The following MYH15 variants were observed in gnomAD, a reference collection of about 807,000 sequenced individuals.
MYH15 encodes myosin heavy chain 15.
In MYH15, 227 loss-of-function variants were observed where a neutral mutation model predicts 240.5. The observed-to-expected ratio is 0.94, with a 90% CI of 0.85 to 1.05. The LOEUF (loss-of-function observed/expected upper bound fraction) is 1.05, where lower values mean the gene tolerates loss of function less well. MYH15 is among the 50% of genes least tolerant of loss of function. The probability of loss-of-function intolerance (pLI) is 0.00; values close to 1 mark genes in which losing one functional copy is unlikely to be tolerated. For missense variants in MYH15, 2,217 were observed against 2,247.5 expected (o/e 0.99, Z 0.27); for synonymous variants, 785 against 796.7 (o/e 0.99, Z 0.25).
chr3:108,532,386 C>A (rs2083717552), upstream of MYH15, among the ~76,000 whole-genome samples: 1 of 152,076 alleles, frequency 6.6e-6, no homozygotes, highest in South Asian at 2.1e-4. Context: ...CTGTTTGACT[C>A]CTTAGAGCTG....
upstream of MYH15, chr3:108,510,654 A>T: frequency 2.0e-6 from 3 of 1,474,124 alleles, no homozygotes; most frequent in South Asian, 3.7e-5. Context: ...TAAATGAGCA[A>T]CCATTCACAT....
chr3:108,510,505 G>A lies in MYH15; in HGVS notation c.26C>T (p.Ala9Val). Residue 9 changes from alanine to valine, a missense_variant, in exon 1 of 41, where the codon GCC becomes GTC. Ala to Val is a moderately conservative substitution (Grantham distance 64, BLOSUM62 0). Transcript: ENST00000693548. ...TTCACTTCTTCTGAGGAAGGCTGCG[G>A]CTTCTCCAAGGTCTGACAGATCCAT... Reference protein sequence around the residue: MDLSDLGEAAAFLRRSEAE... With the variant: MDLSDLGEVAAFLRRSEAE... 6.2e-7 allele frequency: 1 copy of A among 1,613,400 alleles called. No individual in the cohort carries two copies. The highest frequency in any genetic ancestry group is 8.5e-7 in the Non-Finnish European group (1 of 1,179,656).
At chr3:108,447,095 T>G (rs75786810) in intron 21 of MYH15, among the ~76,000 whole-genome samples, 2,576 of 152,064 alleles carry the variant, frequency 0.017, 39 homozygotes, top group Non-Finnish European at 0.026. Context: ...CTGAAAAAAT[T>G]CCATGGAAAG....
chr3:108,438,522 C>T (rs1039947634), intron 24 of MYH15, among the ~76,000 whole-genome samples: 10 of 152,134 alleles, frequency 6.6e-5, no homozygotes, highest in African/African-American at 1.2e-4. Context: ...CAAATTCATA[C>T]GCTGAAATCC....
chr3:108,410,781 T>C lies in MYH15; in HGVS notation c.4297A>G (p.Arg1433Gly). ...GACTGCAGCTGCTTCTGGTCCAGCC[T>C]GGCTGCTGCAGAGCGGACCTTCCCG... Reference protein sequence around the residue: ...DLGKVRSAAARLDQKQLQSGK... With the variant: ...DLGKVRSAAAGLDQKQLQSGK... The change falls in exon 31 of 41, where the codon AGG becomes GGG. Residue 1433 changes from arginine (R) to glycine (G), a missense_variant. Arg to Gly is a moderately radical substitution (Grantham distance 125). Coordinates refer to ENST00000693548, the MANE Select transcript of MYH15 (RefSeq NM_014981.3). 1 of 1,614,152 alleles carries C rather than the reference T, an allele frequency of 6.2e-7. No individual in the cohort carries two copies. The highest frequency in any genetic ancestry group is 8.5e-7 in the Non-Finnish European group (1 of 1,179,990).
chr3:108,520,594 G>A (rs962178388), intron 1 of MYH15, among the ~76,000 whole-genome samples: 14 of 152,226 alleles, frequency 9.2e-5, no homozygotes, highest in East Asian at 1.9e-4. Context: ...GTCAGAAAAC[G>A]ATCCCATTTC....
rs377115294 is a variant in MYH15 at position 108,398,705 on chromosome 3, G to A, written c.5065C>T (p.Arg1689Cys). ...DLRSLQEQTE[R>C]GRRLSEEELL... ...TCTTCTTCTGACAGCCTGCGGCCAC[G>A]CTCTGTCTGCTCTTGCAGGGACCTT... Residue 1689 changes from arginine to cysteine, a missense_variant, in exon 35 of 41, where the codon CGT (arginine) becomes TGT (cysteine). Coordinates refer to ENST00000693548, the MANE Select transcript of MYH15 (RefSeq NM_014981.3). 48 of 1,613,988 alleles carry A rather than the reference G, an allele frequency of 3.0e-5. No individual in the cohort carries two copies. The highest frequency in any genetic ancestry group is 1.5e-4 in the African/African-American group (11 of 74,918).
At chr3:108,413,108 A>G (rs1225760372) in intron 30 of MYH15, among the ~76,000 whole-genome samples, 1 of 152,218 alleles carries the variant, frequency 6.6e-6, no homozygotes, top group Non-Finnish European at 1.5e-5. Flanking sequence ...CATCAAACAG[A>G]ATGATAGATA....
At chr3:108,537,799 A>T in the MYH15 span, among the ~76,000 whole-genome samples, 1 of 152,200 alleles carries the variant, frequency 6.6e-6, no homozygotes, top group Non-Finnish European at 1.5e-5. Context: ...GATAAATGGG[A>T]GACGGGGAAA....
chr3:108,430,651 A>T (rs2082771168), intron 26 of MYH15, among the ~76,000 whole-genome samples, 181 bp downstream of exon 26: 1 of 152,188 alleles, frequency 6.6e-6, no homozygotes, highest in African/African-American at 2.4e-5. Flanking sequence ...TCATAAGGAA[A>T]TTTAAGCTTA....
intron 27 of MYH15, among the ~76,000 whole-genome samples, chr3:108,424,404 G>A (rs2082710251): frequency 6.6e-6 from 1 of 152,218 alleles, no homozygotes; most frequent in African/African-American, 2.4e-5. Context: ...TGGCCTATAT[G>A]GGGATATAGC....
At chr3:108,518,773 A>C (rs2083594119) in intron 1 of MYH15, among the ~76,000 whole-genome samples, 1 of 152,212 alleles carries the variant, frequency 6.6e-6, no homozygotes, top group African/African-American at 2.4e-5. Flanking sequence ...GGTCTTCAGT[A>C]AGCAACATTT....
At chr3:108,548,284 T>C in the MYH15 span, among the ~76,000 whole-genome samples, 26 of 152,230 alleles carry the variant, frequency 1.7e-4, no homozygotes, top group South Asian at 1.7e-3. Flanking sequence ...AGTAAACTGA[T>C]AGAAAAAGAT....
At chr3:108,401,825 A>C (rs1004767995) in intron 33 of MYH15, among the ~76,000 whole-genome samples, 1 of 152,262 alleles carries the variant, frequency 6.6e-6, no homozygotes, top group Admixed American at 6.5e-5. Context: ...ATGGCTGCTG[A>C]ACAATCAACA....
At chr3:108,501,661 A>G (rs1483010512) in intron 3 of MYH15, 51 bp downstream of exon 3, 3 of 1,609,186 alleles carry the variant, frequency 1.9e-6, no homozygotes, top group Middle Eastern at 1.7e-4. Context: ...AGATTGGGAC[A>G]TGCAATGTGA....
At chr3:108,506,811 T>A (rs940376838) in intron 1 of MYH15, among the ~76,000 whole-genome samples, 2 of 152,176 alleles carry the variant, frequency 1.3e-5, no homozygotes, top group African/African-American at 4.8e-5. Flanking sequence ...GGCGGGCAGA[T>A]CACGAGGTCA....
At chr3:108,387,820 C>T (rs2278980) in intron 38 of MYH15, among the ~76,000 whole-genome samples, 22,958 of 152,118 alleles carry the variant, frequency 0.15, 1,855 homozygotes, top group South Asian at 0.23. Context: ...CAAAAGGAAC[C>T]GCTTAATAAT....
intron 26 of MYH15, 29 bp from the exon 27 acceptor site, chr3:108,428,910 C>T (rs766836778): frequency 2.5e-6 from 4 of 1,569,462 alleles, no homozygotes; most frequent in South Asian, 1.2e-5. Flanking sequence ...TTGACTTTTA[C>T]TAAGCACTTG....
rs59015904 is a variant in MYH15 at position 108,420,813 on chromosome 3, T to A, written c.3829+275A>T. On this transcript the variant is annotated intron_variant, in intron 28 of 40. Transcript: ENST00000693548. ...AGTAGACTGTGGATTGCCCCTCCCA[T>A]CCTTTGATCTTGAGAGTTGCTTCTA... is the stretch of plus-strand genomic sequence containing the variant. Among the ~76,000 whole-genome samples, 12,537 of 152,226 alleles carry A rather than the reference T, an allele frequency of 0.082. 1,344 individuals carry two copies. The highest frequency in any genetic ancestry group is 0.55 in the East Asian group (2,863 of 5,166).
Sources: gnomAD v4.1 joint callset for allele counts (sites outside exome capture counted in the v4.1 genomes callset) on GRCh38, gnomAD v4.1.1 for gene constraint, MANE v1.5 for transcripts, NCBI Gene and HGNC (gene_info 2026-07-23, HGNC 2026-07-21) for gene names.